Variants in NIPSNAP2 observed in about 807,000 individuals in gnomAD.
NIPSNAP2 encodes the protein protein NipSnap homolog 2.
NIPSNAP2 carries 42 observed loss-of-function variants against 48.4 expected under a neutral mutation model. The observed-to-expected ratio is 0.87, with a 90% CI of 0.68 to 1.12. The LOEUF (loss-of-function observed/expected upper bound fraction) is 1.12, where lower values mean the gene tolerates loss of function less well. Among genes scored for constraint, NIPSNAP2 ranks in the 50% most tolerant of loss-of-function variants. The pLI is 0.00. For missense variants in NIPSNAP2, 314 were observed against 347.3 expected (o/e 0.90, Z 0.76); for synonymous variants, 158 against 126.6 (o/e 1.25, Z -1.67).
At chr7:55,972,384 A>C (rs969534049) in intron 1 of NIPSNAP2, among the ~76,000 whole-genome samples, 33 of 151,120 alleles carry the variant, frequency 2.2e-4, no homozygotes, top group African/African-American at 8.0e-4. Context: ...GTGTATCACT[A>C]ATTTTATATG....
At chr7:55,986,983 TAAAAAAAAAAAA>T (rs71561981) in intron 7 of NIPSNAP2, among the ~76,000 whole-genome samples, 1 of 54,800 alleles carries the variant, frequency 1.8e-5, no homozygotes, top group African/African-American at 8.1e-5. Context: ...CCTGTCTCTA[TAAAAAAAAAAAA>T]AAAAAAAAAA....
chr7:55,977,568 C>T (rs992194687), intron 1 of NIPSNAP2, among the ~76,000 whole-genome samples: 1 of 152,110 alleles, frequency 6.6e-6, no homozygotes, highest in Non-Finnish European at 1.5e-5. Context: ...CTTATATTCA[C>T]ATTGTTGTAC....
At chr7:55,995,799 AT>A (rs937978742) in intron 8 of NIPSNAP2, among the ~76,000 whole-genome samples, 1 of 152,166 alleles carries the variant, frequency 6.6e-6, no homozygotes, top group Non-Finnish European at 1.5e-5. Context: ...CGGAGCTCTC[AT>A]AGAGGCTGTG....
At position 55,994,916 on chromosome 7, in the gene NIPSNAP2, C is replaced by T; in HGVS notation, c.640C>T (p.Gln214Ter). The change falls in exon 8 of 10, where the codon CAG becomes TAG. Residue 214 changes from glutamine to a stop codon, truncating the protein, a stop_gained. Coordinates refer to ENST00000322090, the MANE Select transcript of NIPSNAP2 (RefSeq NM_001483.3). LOFTEE classifies it high-confidence loss of function. ...CAGGGCTCGTGCAATCCGCTTCAGA[C>T]AGGATGGTAACGAAGCCGTCGGAGG... is the stretch of plus-strand genomic sequence containing the variant. ...NYWARAIRFR[Q>*]DGNEAVGGFF... The T allele has an allele frequency of 1.2e-6, 2 of 1,614,114 alleles. No homozygotes were observed. Among genetic ancestry groups the T allele is most frequent in the Non-Finnish European group, 1.7e-6 (2 of 1,179,974 alleles).
chr7:55,994,848 CG>C (rs779534129), intron 7 of NIPSNAP2, 45 bp from the exon 8 acceptor site: 1 of 1,484,420 alleles, frequency 6.7e-7, no homozygotes, highest in South Asian at 1.1e-5. Context: ...TTCTCGTTAG[CG>C]TATCTAATTC....
At chr7:55,991,285 A>C (rs1787438825) in intron 7 of NIPSNAP2, among the ~76,000 whole-genome samples, 1 of 152,168 alleles carries the variant, frequency 6.6e-6, no homozygotes. Context: ...ATTTGGTTGT[A>C]TGCTACTATT....
At chr7:55,974,802 C>A (rs537831663) in intron 1 of NIPSNAP2, among the ~76,000 whole-genome samples, 1 of 144,362 alleles carries the variant, frequency 6.9e-6, no homozygotes, top group East Asian at 2.1e-4. Flanking sequence ...GAGCCAAGAT[C>A]ATGCCGCTGT....
chr7:55,980,062 G>A, intron 3 of NIPSNAP2: 1 of 287,776 alleles, frequency 3.5e-6, no homozygotes, highest in South Asian at 3.3e-5. Context: ...CCAATGCAGG[G>A]TTGTCTATTC....
intron 1 of NIPSNAP2, among the ~76,000 whole-genome samples, chr7:55,967,493 G>A (rs1786919477): frequency 6.6e-6 from 1 of 151,906 alleles, no homozygotes. Context: ...CTTGGAGATA[G>A]TCTTGCCCTG....
chr7:55,998,548 TG>T (rs1330737504), intron 9 of NIPSNAP2, among the ~76,000 whole-genome samples: 1 of 126,316 alleles, frequency 7.9e-6, no homozygotes, highest in African/African-American at 2.9e-5. Flanking sequence ...GTCGCCAGGC[TG>T]GAGTGCAGTG....
rs1786959470 is a variant in NIPSNAP2 at position 55,969,061 on chromosome 7, AAAAG to A, written c.92+4364_92+4367del. On this transcript the variant is annotated intron_variant, in intron 1 of 9. Coordinates refer to ENST00000322090, the MANE Select transcript of NIPSNAP2 (RefSeq NM_001483.3). ...GGCCCTGTCTGAAAAAAAAAAGAAAAAAAGAAATTAAAAAGCAAATATATATAGA... is the reference window on the plus strand; with the variant it reads ...GGCCCTGTCTGAAAAAAAAAAGAAAAAAATTAAAAAGCAAATATATATAGA... 5.3e-5 allele frequency among the ~76,000 whole-genome samples: 8 copies of A among 152,320 alleles called. 1 individual carries two copies. In the South Asian group the frequency reaches 1.7e-3, roughly 32 times the overall value.
intron 7 of NIPSNAP2, among the ~76,000 whole-genome samples, chr7:55,985,520 C>A (rs1480656890): frequency 1.3e-5 from 2 of 151,780 alleles, no homozygotes; most frequent in Non-Finnish European, 2.9e-5. Flanking sequence ...GAGAATCACT[C>A]AAGTCCAGGA....
chr7:55,990,730 G>GA (rs1173950317), intron 7 of NIPSNAP2, among the ~76,000 whole-genome samples: 1 of 151,856 alleles, frequency 6.6e-6, no homozygotes, highest in Non-Finnish European at 1.5e-5. Flanking sequence ...CTTGAAAAGA[G>GA]AACTTGTACC....
chr7:55,986,808 A>G (rs776358004), intron 7 of NIPSNAP2, among the ~76,000 whole-genome samples: 38 of 152,144 alleles, frequency 2.5e-4, no homozygotes, highest in Non-Finnish European at 4.4e-4. Flanking sequence ...TTACAACTCA[A>G]TAATAAGAAT....
At chr7:55,969,509 C>T (rs1386033387) in intron 1 of NIPSNAP2, among the ~76,000 whole-genome samples, 1 of 152,130 alleles carries the variant, frequency 6.6e-6, no homozygotes, top group African/African-American at 2.4e-5. Flanking sequence ...CCAGGCTGCC[C>T]TTACCCATGC....
At chr7:55,974,847 TAAAA>T (rs11391060) in intron 1 of NIPSNAP2, among the ~76,000 whole-genome samples, 1 of 112,284 alleles carries the variant, frequency 8.9e-6, no homozygotes, top group Non-Finnish European at 1.7e-5. Flanking sequence ...GACTCTGTCT[TAAAA>T]AAAAAAAAAA....
intron 7 of NIPSNAP2, among the ~76,000 whole-genome samples, chr7:55,994,060 G>T (rs1474334280): frequency 6.6e-6 from 1 of 152,146 alleles, no homozygotes; most frequent in Non-Finnish European, 1.5e-5. Context: ...GAGAGCAGGG[G>T]TGTTTCTCAG....
intron 7 of NIPSNAP2, among the ~76,000 whole-genome samples, chr7:55,989,191 G>C (rs1340384829): frequency 1.3e-5 from 2 of 152,188 alleles, no homozygotes; most frequent in Non-Finnish European, 2.9e-5. Flanking sequence ...CCTCCCAGGA[G>C]CTACCTTAAA....
chr7:55,991,954 A>C (rs897894300), intron 7 of NIPSNAP2: 3 of 175,478 alleles, frequency 1.7e-5, no homozygotes, highest in Non-Finnish European at 2.5e-5. Flanking sequence ...AATCTGGAAT[A>C]TTTATCACTA....
Sources: gnomAD v4.1 joint callset for allele counts (sites outside exome capture counted in the v4.1 genomes callset) on GRCh38, gnomAD v4.1.1 for gene constraint, MANE v1.5 for transcripts, NCBI Gene and HGNC (gene_info 2026-07-23, HGNC 2026-07-21) for gene names.